KAT6B: variants seen among roughly 807,000 people sequenced by gnomAD.
The protein encoded by KAT6B is histone acetyltransferase KAT6B.
Under a neutral mutation model 187.5 loss-of-function variants are expected in KAT6B, and 10 were observed. The observed-to-expected ratio is 0.05, with a 90% CI of 0.03 to 0.09. The LOEUF (loss-of-function observed/expected upper bound fraction) is 0.09, where lower values mean the gene tolerates loss of function less well. KAT6B is among the 10% of genes least tolerant of loss of function. The probability of loss-of-function intolerance (pLI) is 1.00; values close to 1 mark genes in which losing one functional copy is unlikely to be tolerated. For missense variants in KAT6B, 1,952 were observed against 2,558.9 expected, an observed-to-expected ratio of 0.76 and a Z score of 5.12; for synonymous variants, 861 against 926.8, an observed-to-expected ratio of 0.93 and a Z score of 1.29.
intron 3 of KAT6B, among the ~76,000 whole-genome samples, chr10:74,862,665 C>A (rs779542205): frequency 2.0e-5 from 3 of 152,152 alleles, no homozygotes; most frequent in Non-Finnish European, 4.4e-5. Context: ...TTTTAGAGAT[C>A]GTTCTGAAGG....
chr10:75,028,461 T>C (rs199962466), intron 17 of KAT6B, 28 bp from the exon 18 acceptor site: 16 of 1,614,124 alleles, frequency 9.9e-6, no homozygotes, highest in Non-Finnish European at 1.4e-5. Flanking sequence ...CTGTTTTTTT[T>C]CCTTCCCGTT....
At position 74,985,105 on chromosome 10, in the gene KAT6B, A is replaced by T; in HGVS notation, c.2399A>T (p.Tyr800Phe). ...FEVDGNMSKI[Y>F]CQNLCLLAKL... ...GTTGATGGGAATATGAGCAAAATTTATTGCCAAAACCTTTGCTTGTTAGCC... is the reference window on the plus strand; with the variant it reads ...GTTGATGGGAATATGAGCAAAATTTTTTGCCAAAACCTTTGCTTGTTAGCC... The change falls in exon 12 of 18, where the codon TAT (tyrosine) becomes TTT (phenylalanine). Residue 800 changes from tyrosine (Y) to phenylalanine (F), a missense_variant. Physicochemically the swap from Tyr to Phe is conservative, Grantham distance 22. This residue lies in a region of KAT6B where 87 missense variants were observed against 191.8 expected (regional missense o/e 0.45). Transcript: ENST00000287239. 1 of 1,614,128 alleles carries T rather than the reference A, an allele frequency of 6.2e-7. No individual in the cohort carries two copies. Among genetic ancestry groups the T allele is most frequent in the Non-Finnish European group, 8.5e-7 (1 of 1,179,990 alleles).
intron 3 of KAT6B, among the ~76,000 whole-genome samples, chr10:74,877,193 T>C (rs1247714130): frequency 6.6e-6 from 1 of 152,042 alleles, no homozygotes; most frequent in Non-Finnish European, 1.5e-5. Flanking sequence ...GTCAAACTCC[T>C]GACCTCAGAT....
At chr10:74,899,992 AAGTT>A (rs1266056388) in intron 3 of KAT6B, among the ~76,000 whole-genome samples, 1 of 152,208 alleles carries the variant, frequency 6.6e-6, no homozygotes, top group African/African-American at 2.4e-5. Context: ...GTGTATAAGT[AAGTT>A]CTGTAGAACT....
chr10:75,004,882 G>C (rs1844096439), intron 13 of KAT6B, among the ~76,000 whole-genome samples: 1 of 151,576 alleles, frequency 6.6e-6, no homozygotes, highest in Non-Finnish European at 1.5e-5. Context: ...TCAGGGGGAG[G>C]GGTGGGGGGT....
chr10:74,918,110 T>C (rs921435332), intron 3 of KAT6B, among the ~76,000 whole-genome samples: 4 of 152,178 alleles, frequency 2.6e-5, no homozygotes, highest in African/African-American at 9.7e-5. Context: ...TACTGTACTT[T>C]TGGAAAGAAA....
intron 3 of KAT6B, among the ~76,000 whole-genome samples, chr10:74,849,141 T>G (rs1272578502): frequency 6.6e-6 from 1 of 151,524 alleles, no homozygotes. Flanking sequence ...GCCACCACAC[T>G]GGGCTAATTT....
chr10:74,868,758 GT>G (rs1389990330), intron 3 of KAT6B, among the ~76,000 whole-genome samples: 1 of 152,136 alleles, frequency 6.6e-6, no homozygotes, highest in East Asian at 1.9e-4. Context: ...GGGTGTCGCC[GT>G]TTATATATGC....
At chr10:74,860,764 A>ATG (rs1843121075) in intron 3 of KAT6B, among the ~76,000 whole-genome samples, 1 of 152,124 alleles carries the variant, frequency 6.6e-6, no homozygotes, top group African/African-American at 2.4e-5. Flanking sequence ...TTGGGAGGCC[A>ATG]AGGCAGGAGG....
chr10:74,967,126 A>G (rs1841533057), intron 4 of KAT6B, among the ~76,000 whole-genome samples: 1 of 152,158 alleles, frequency 6.6e-6, no homozygotes, highest in Non-Finnish European at 1.5e-5. Context: ...GGAGATCAAG[A>G]CCATCCTGGC....
chr10:74,870,886 T>G (rs1366504461), intron 3 of KAT6B, among the ~76,000 whole-genome samples: 5 of 148,684 alleles, frequency 3.4e-5, no homozygotes, highest in Admixed American at 2.0e-4. Context: ...GTTTTTTTGT[T>G]TTTTTTTTTG....
At chr10:74,903,109 T>C (rs1037191432) in intron 3 of KAT6B, among the ~76,000 whole-genome samples, 1 of 152,182 alleles carries the variant, frequency 6.6e-6, no homozygotes, top group South Asian at 2.1e-4. Context: ...AGTATTGTGG[T>C]ATATGAAGGG....
chr10:74,982,784 A>G (rs1842593507), intron 11 of KAT6B: 1 of 152,284 alleles, frequency 6.6e-6, no homozygotes, highest in Admixed American at 6.5e-5. Flanking sequence ...TAGGTGCTTG[A>G]AACAAGCCTA....
intron 3 of KAT6B, among the ~76,000 whole-genome samples, chr10:74,864,751 A>G (rs1414566104): frequency 6.6e-6 from 1 of 152,222 alleles, no homozygotes; most frequent in Admixed American, 6.5e-5. Context: ...GACTCCACAC[A>G]TACAGAGGTC....
chr10:74,919,165 G>A (rs1028072307), intron 3 of KAT6B, among the ~76,000 whole-genome samples: 1 of 152,116 alleles, frequency 6.6e-6, no homozygotes, highest in Non-Finnish European at 1.5e-5. Context: ...GGAGGTTGCA[G>A]TGAGCCAAGA....
Position 75,030,046 on chromosome 10 carries a change from G to C in KAT6B, c.5222G>C (p.Ser1741Thr), listed in dbSNP as rs1846189423. The C allele has an allele frequency of 6.2e-7, 1 of 1,614,054 alleles. No homozygotes were observed. The highest frequency in any genetic ancestry group is 1.7e-5 in the Admixed American group (1 of 60,004). The change falls in exon 18 of 18, where the codon AGC becomes ACC. Residue 1741 changes from serine (S) to threonine (T), a missense_variant. Transcript: ENST00000287239. The surrounding 1 kb of genome is among the most constrained non-coding windows in gnomAD (Gnocchi z 4.8). ...SCSMLQQTSI[S>T]SPPTCSVKSP... ...AGCATGCTGCAGCAAACCAGCATCA[G>C]CTCCCCTCCGACCTGCAGCGTCAAG...
At chr10:74,827,798 G>A (rs1257758850) in intron 1 of KAT6B, among the ~76,000 whole-genome samples, 1 of 152,048 alleles carries the variant, frequency 6.6e-6, no homozygotes, top group East Asian at 1.9e-4. Flanking sequence ...GTTAGTTTGG[G>A]AGACAAGTTG....
intron 4 of KAT6B, among the ~76,000 whole-genome samples, chr10:74,968,779 A>G (rs561028138): frequency 1.4e-3 from 208 of 152,330 alleles, no homozygotes; most frequent in Non-Finnish European, 2.1e-3. Context: ...TTTAAACTGT[A>G]CAGCCTTCCA....
chr10:74,987,212 G>A (rs1265669787), intron 12 of KAT6B, among the ~76,000 whole-genome samples: 1 of 152,208 alleles, frequency 6.6e-6, no homozygotes, highest in Non-Finnish European at 1.5e-5. Flanking sequence ...GAGGTGGGCA[G>A]ATCATGAGGT....
Sources: allele counts gnomAD v4.1 joint callset (sites outside exome capture counted in the v4.1 genomes callset), GRCh38; gene constraint gnomAD v4.1.1; regional missense constraint gnomAD v4.1.1; non-coding constraint Gnocchi (gnomAD v3.1); transcripts MANE v1.5; gene names NCBI Gene and HGNC (gene_info 2026-07-23, HGNC 2026-07-21).